Variants in SPICE1 observed in about 807,000 individuals in gnomAD.
SPICE1 encodes spindle and centriole associated protein 1.
A neutral mutation model predicts 102.7 loss-of-function variants in SPICE1; 75 were observed. The observed-to-expected ratio is 0.73, with a 90% CI of 0.61 to 0.88. The LOEUF is 0.88. SPICE1 is among the 40% of genes least tolerant of loss of function. The pLI is 0.00. For missense variants in SPICE1, 979 were observed against 1,020.1 expected, an observed-to-expected ratio of 0.96 and a Z score of 0.55; for synonymous variants, 308 against 350.3, an observed-to-expected ratio of 0.88 and a Z score of 1.35.
intron 6 of SPICE1, among the ~76,000 whole-genome samples, chr3:113,489,646 G>A (rs1203597336): frequency 6.6e-6 from 1 of 152,022 alleles, no homozygotes; most frequent in Non-Finnish European, 1.5e-5. Context: ...AGGTGTTGAA[G>A]ACCAGCCTGA....
intron 1 of SPICE1, among the ~76,000 whole-genome samples, chr3:113,507,165 T>C (rs976559163): frequency 1.3e-5 from 2 of 152,172 alleles, no homozygotes; most frequent in African/African-American, 4.8e-5. Flanking sequence ...TAATTATTGA[T>C]TTTTTTCTAT....
At chr3:113,455,613 T>C (rs1935763257) in intron 13 of SPICE1, among the ~76,000 whole-genome samples, 1 of 152,192 alleles carries the variant, frequency 6.6e-6, no homozygotes, top group Non-Finnish European at 1.5e-5. Flanking sequence ...TGAATGCTGA[T>C]GAAGGGCCCT....
rs1457659110 is a variant in SPICE1, at chr3:113,443,318, G to A, written c.*1989C>T. Reference sequence around the variant, plus strand: ...ATTTGAGGCAAGATTTCTGGTTTCAGTACTTGCATCCTTAGCTACTGTACT... The same window carrying A: ...ATTTGAGGCAAGATTTCTGGTTTCAATACTTGCATCCTTAGCTACTGTACT... On this transcript the variant is annotated 3_prime_UTR_variant, in exon 18 of 18. Coordinates refer to ENST00000295872, the MANE Select transcript of SPICE1 (RefSeq NM_144718.4). The A allele has an allele frequency of 6.6e-6, 1 of 152,202 alleles. No homozygotes were observed. Among genetic ancestry groups the A allele is most frequent in the African/African-American group, 2.4e-5 (1 of 41,456 alleles). The allele number at this position is 152,202 out of a possible 1,614,324, so 9.4% of individuals were successfully genotyped here. A position where few individuals can be genotyped will look rare whatever the true frequency, so the allele number is the denominator to read the frequency against.
rs1936133820 is a variant in SPICE1 at position 113,469,140 on chromosome 3, G to A, written c.710C>T (p.Pro237Leu). 5.0e-6 allele frequency: 8 copies of A among 1,613,544 alleles called. No individual in the cohort carries two copies. The East Asian group carries it at 1.8e-4, about 36-fold the overall frequency. Reference protein sequence around the residue: ...KIATQSQITPPGTPSSALSSG... With the variant: ...KIATQSQITPLGTPSSALSSG... ...TGAAAGAGCAGATGATGGCGTTCCT[G>A]GAGGAGTTATTTGTGACTGGGTTGC... The change falls in exon 8 of 18, where the codon CCA becomes CTA. Residue 237 changes from proline to leucine, a missense_variant. Physicochemically the swap from Pro to Leu is moderately conservative, Grantham distance 98. Coordinates refer to ENST00000295872, the MANE Select transcript of SPICE1 (RefSeq NM_144718.4).
At chr3:113,501,681 C>T (rs1238272970) in intron 3 of SPICE1, among the ~76,000 whole-genome samples, 2 of 152,070 alleles carry the variant, frequency 1.3e-5, no homozygotes, top group Non-Finnish European at 2.9e-5. Flanking sequence ...CATCCTTTAT[C>T]AATTAGGGAA....
intron 4 of SPICE1, 55 bp from the exon 5 acceptor site, chr3:113,494,197 T>C: frequency 7.7e-7 from 1 of 1,304,250 alleles, no homozygotes; most frequent in Non-Finnish European, 1.1e-6. Flanking sequence ...ACTTTTCAAA[T>C]CGCAAAGGAA....
chr3:113,504,132 A>G (rs779034593), intron 2 of SPICE1, among the ~76,000 whole-genome samples: 1 of 152,136 alleles, frequency 6.6e-6, no homozygotes, highest in Non-Finnish European at 1.5e-5. Flanking sequence ...GCACAACTCC[A>G]TAAGTTACCA....
intron 7 of SPICE1, among the ~76,000 whole-genome samples, chr3:113,470,550 T>A (rs191838112): frequency 1.3e-5 from 2 of 152,292 alleles, no homozygotes; most frequent in East Asian, 3.9e-4. Context: ...CAGGATGAAA[T>A]GAAGGAAGGG....
rs144769223 is a variant in SPICE1, at chr3:113,499,301, T to C, written c.291+138A>G. 9,055 of 943,522 alleles carry C rather than the reference T, an allele frequency of 9.6e-3. 56 individuals are homozygous for C. The highest frequency in any genetic ancestry group is 0.021 in the Middle Eastern group (59 of 2,784). The allele number at this position is 943,522 out of a possible 1,614,324, so 58.4% of individuals were successfully genotyped here. ...TCCAGTCACCACTCTGTTGCTTTTT[T>C]TGAAGTCCACATGTAGATTATTGAA... On this transcript the variant is annotated intron_variant, in intron 4 of 17. Transcript: ENST00000295872.
intron 17 of SPICE1, 32 bp from the exon 18 acceptor site, chr3:113,445,392 T>C (rs1169084581): frequency 1.9e-6 from 3 of 1,593,370 alleles, no homozygotes; most frequent in Middle Eastern, 1.7e-4. Flanking sequence ...AAAATTTAGA[T>C]GGTAATTAGA....
At position 113,453,516 on chromosome 3, in the gene SPICE1, C is replaced by G; in HGVS notation, c.2092G>C (p.Asp698His). The G allele has an allele frequency of 6.2e-7, 1 of 1,613,776 alleles. No homozygotes were observed. The highest frequency in any genetic ancestry group is 2.2e-5 in the East Asian group (1 of 44,886). ...NIIEPRGEQG[D>H]GLRELNKQES... is the part of the protein sequence containing the mutation. ...TGTTTGTTCAACTCCCGGAGTCCATCCCCTTGCTCTCCTCTGGGCTCAATA... is the reference window on the plus strand; with the variant it reads ...TGTTTGTTCAACTCCCGGAGTCCATGCCCTTGCTCTCCTCTGGGCTCAATA... The change falls in exon 14 of 18, where the codon GAT becomes CAT. Residue 698 changes from aspartate to histidine, a missense_variant. Transcript: ENST00000295872.
intron 9 of SPICE1, 61 bp downstream of exon 9, chr3:113,468,701 T>C: frequency 6.5e-7 from 1 of 1,536,180 alleles, no homozygotes; most frequent in South Asian, 1.2e-5. Context: ...GACTAAGAGA[T>C]TAAGACAGCT....
intron 7 of SPICE1, among the ~76,000 whole-genome samples, chr3:113,487,020 G>C (rs994418535): frequency 1.2e-4 from 18 of 152,078 alleles, no homozygotes; most frequent in African/African-American, 4.3e-4. Context: ...CCTGAAAACA[G>C]CTTTTTGTAT....
chr3:113,468,358 GT>G lies in SPICE1; in HGVS notation c.935del (p.Asn312ThrfsTer26). 1 of 1,614,098 alleles carries G rather than the reference GT, an allele frequency of 6.2e-7. No individual in the cohort carries two copies. The highest frequency in any genetic ancestry group is 8.5e-7 in the Non-Finnish European group (1 of 1,179,998). ...CAGAGGTTGTGCTACCTGATGATATGTTTTTCTTCGGCTTGGAAAGAGCATG... is the reference window on the plus strand; with the variant it reads ...CAGAGGTTGTGCTACCTGATGATATGTTTTCTTCGGCTTGGAAAGAGCATG... ...NLHALSKPKKNISSGSTTSAD... is the reference protein window; with the variant it reads ...NLHALSKPKKXISSGSTTSAD... On this transcript the variant is annotated frameshift_variant, in exon 10 of 18. Coordinates refer to ENST00000295872, the MANE Select transcript of SPICE1 (RefSeq NM_144718.4). LOFTEE classifies it high-confidence loss of function.
chr3:113,469,228 G>C lies in SPICE1; in HGVS notation c.622C>G (p.Gln208Glu), dbSNP rs1338770215. ...SNTNTDRFLQ[Q>E]LTEENFELIS... ...AACTCAAAATTCTCTTCTGTTAGTT[G>C]TTGGAGAAACCTATAAATTACAGGA... The change falls in exon 8 of 18, where the codon CAA (glutamine) becomes GAA (glutamate). Residue 208 changes from glutamine (Q) to glutamate (E), a missense_variant. Gln to Glu is a conservative substitution (Grantham distance 29). Coordinates refer to ENST00000295872, the MANE Select transcript of SPICE1 (RefSeq NM_144718.4). The C allele has an allele frequency of 1.6e-5, 25 of 1,567,328 alleles. No individual in the cohort carries two copies. The highest frequency in any genetic ancestry group is 2.2e-5 in the Non-Finnish European group (25 of 1,155,168).
At chr3:113,498,822 G>A (rs938232483) in intron 4 of SPICE1, 2 of 152,210 alleles carry the variant, frequency 1.3e-5, no homozygotes, top group Non-Finnish European at 2.9e-5. Context: ...GTTATTTGCT[G>A]TAGTTTCCTC....
chr3:113,509,897 A>T (rs557513578), intron 1 of SPICE1, among the ~76,000 whole-genome samples: 3 of 152,198 alleles, frequency 2.0e-5, no homozygotes, highest in Non-Finnish European at 4.4e-5. Flanking sequence ...GTTTGCACTC[A>T]CTTTCTCTCC....
chr3:113,459,496 C>T (rs1246577529), intron 12 of SPICE1: 1 of 983,504 alleles, frequency 1.0e-6, no homozygotes, highest in African/African-American at 1.8e-5. Flanking sequence ...TACTCCCAGC[C>T]CTTCTTACCT....
intron 12 of SPICE1, chr3:113,460,201 T>C (rs1406931097): frequency 2.0e-6 from 2 of 985,314 alleles, no homozygotes; most frequent in African/African-American, 3.5e-5. Context: ...TCAGTATTTT[T>C]CTCTTTCCAA....
Sources: gnomAD v4.1 joint callset for allele counts (sites outside exome capture counted in the v4.1 genomes callset) on GRCh38, gnomAD v4.1.1 for gene constraint, MANE v1.5 for transcripts, NCBI Gene and HGNC (gene_info 2026-07-23, HGNC 2026-07-21) for gene names.